Variants in PLPPR1 observed in about 807,000 individuals in gnomAD.
PLPPR1 encodes the protein phospholipid phosphatase-related protein type 1.
A neutral mutation model predicts 33.1 loss-of-function variants in PLPPR1; 10 were observed. The observed-to-expected ratio is 0.30, with a 90% CI of 0.19 to 0.51. The LOEUF is 0.51. Ranked by LOEUF, PLPPR1 falls within the 20% of genes least tolerant of loss-of-function variation. The pLI, the probability that PLPPR1 is intolerant of heterozygous loss-of-function variation, is 0.97. For missense variants in PLPPR1, 304 were observed against 408.1 expected, an observed-to-expected ratio of 0.74 and a Z score of 2.20; for synonymous variants, 151 against 151.0, an observed-to-expected ratio of 1.00 and a Z score of 0.00.
intron 2 of PLPPR1, among the ~76,000 whole-genome samples, chr9:101,266,130 G>C (rs139548485): frequency 6.7e-6 from 1 of 149,886 alleles, no homozygotes; most frequent in East Asian, 2.1e-4. Flanking sequence ...AGGATTGCTT[G>C]AAAATGACAG....
intron 2 of PLPPR1, among the ~76,000 whole-genome samples, chr9:101,243,778 T>C (rs1827529234): frequency 6.6e-6 from 1 of 151,880 alleles, no homozygotes; most frequent in South Asian, 2.1e-4. Context: ...TAGGTGGTAG[T>C]GGAAGCCACT....
At chr9:101,092,259 A>G (rs1175721764) in intron 1 of PLPPR1, among the ~76,000 whole-genome samples, 1 of 152,106 alleles carries the variant, frequency 6.6e-6, no homozygotes, top group Non-Finnish European at 1.5e-5. Context: ...CCAAATTGTT[A>G]TATGTCCCTA....
intron 1 of PLPPR1, among the ~76,000 whole-genome samples, chr9:101,064,149 T>G (rs1373332318): frequency 6.6e-6 from 1 of 152,096 alleles, no homozygotes; most frequent in Non-Finnish European, 1.5e-5. Flanking sequence ...TACTGACACT[T>G]TATATTAATC....
At chr9:101,260,955 TCTA>T (rs1014337620) in intron 2 of PLPPR1, among the ~76,000 whole-genome samples, 10 of 152,260 alleles carry the variant, frequency 6.6e-5, no homozygotes, top group African/African-American at 2.4e-4. Context: ...TCAGTCAACC[TCTA>T]CTATCACCCC....
intron 1 of PLPPR1, among the ~76,000 whole-genome samples, chr9:101,136,907 A>G (rs1455582495): frequency 6.6e-6 from 1 of 152,214 alleles, no homozygotes; most frequent in Non-Finnish European, 1.5e-5. Flanking sequence ...ATTTGTTAGT[A>G]CAACAGAGTG....
chr9:101,150,710 C>G (rs1373094000), intron 1 of PLPPR1, among the ~76,000 whole-genome samples: 1 of 152,188 alleles, frequency 6.6e-6, no homozygotes, highest in Non-Finnish European at 1.5e-5. Context: ...CTGACTGTCT[C>G]TATCAACTAG....
chr9:101,301,650 G>A (rs956115875), intron 4 of PLPPR1, among the ~76,000 whole-genome samples: 6 of 152,110 alleles, frequency 3.9e-5, no homozygotes, highest in African/African-American at 1.4e-4. Context: ...TACTATCCAA[G>A]GAACTGATGT....
rs544966867 is a variant in PLPPR1, at chr9:101,042,955, G to C, written c.-46+13853G>C. On this transcript the variant is annotated intron_variant, in intron 1 of 7. Transcript: ENST00000374874. ...TTCCATAGGTTTTTGGGGAACAGGTGGTATTTGGTTACATGAATAAGTTCT... is the reference window on the plus strand; with the variant it reads ...TTCCATAGGTTTTTGGGGAACAGGTCGTATTTGGTTACATGAATAAGTTCT... Among the ~76,000 whole-genome samples the C allele has an allele frequency of 1.9e-4, 29 of 152,166 alleles. 1 individual carries two copies. The South Asian group carries it at 5.6e-3, about 29-fold the overall frequency.
At chr9:101,162,103 G>A (rs1255847209) in intron 1 of PLPPR1, among the ~76,000 whole-genome samples, 1 of 78,318 alleles carries the variant, frequency 1.3e-5, no homozygotes, top group African/African-American at 4.2e-5. Flanking sequence ...ATCCACAATT[G>A]TTAAAAAAAA....
At chr9:101,101,054 G>T (rs1830892166) in intron 1 of PLPPR1, among the ~76,000 whole-genome samples, 1 of 152,126 alleles carries the variant, frequency 6.6e-6, no homozygotes, top group Admixed American at 6.5e-5. Flanking sequence ...TTAGTGTCTT[G>T]TTGAGCTTAC....
chr9:101,148,759 A>G (rs1831550086), intron 1 of PLPPR1, among the ~76,000 whole-genome samples: 1 of 152,086 alleles, frequency 6.6e-6, no homozygotes, highest in Non-Finnish European at 1.5e-5. Context: ...ACCCAGTCCC[A>G]CAGAGACTCA....
chr9:101,179,069 G>C (rs1449485776), intron 1 of PLPPR1, among the ~76,000 whole-genome samples: 1 of 152,106 alleles, frequency 6.6e-6, no homozygotes, highest in Non-Finnish European at 1.5e-5. Context: ...GTATTGGCTG[G>C]GATAATAGAC....
At chr9:101,264,672 T>G (rs1827955556) in intron 2 of PLPPR1, among the ~76,000 whole-genome samples, 1 of 152,316 alleles carries the variant, frequency 6.6e-6, no homozygotes, top group African/African-American at 2.4e-5. Flanking sequence ...GCTGATTGAC[T>G]AGCTTTGATA....
intron 2 of PLPPR1, among the ~76,000 whole-genome samples, chr9:101,226,781 G>C (rs1827079199): frequency 6.6e-6 from 1 of 151,936 alleles, no homozygotes; most frequent in Non-Finnish European, 1.5e-5. Flanking sequence ...TTTTTAAGTT[G>C]TTATACTGGT....
At chr9:101,083,240 C>T (rs1830641591) in intron 1 of PLPPR1, among the ~76,000 whole-genome samples, 1 of 151,804 alleles carries the variant, frequency 6.6e-6, no homozygotes, top group South Asian at 2.1e-4. Context: ...CTCAAGGCAA[C>T]CTCCGGCTCT....
chr9:101,179,105 T>C (rs879782364), intron 1 of PLPPR1, among the ~76,000 whole-genome samples: 11 of 152,186 alleles, frequency 7.2e-5, no homozygotes, highest in Admixed American at 1.3e-4. Flanking sequence ...GAAATCAGTC[T>C]ACTACTCTAC....
chr9:101,243,357 G>A (rs1827518384), intron 2 of PLPPR1, among the ~76,000 whole-genome samples: 1 of 152,018 alleles, frequency 6.6e-6, no homozygotes, highest in African/African-American at 2.4e-5. Flanking sequence ...CCAAAGTTGG[G>A]AATCTAGCTA....
At chr9:101,295,460 T>A (rs1453650447) in intron 4 of PLPPR1, among the ~76,000 whole-genome samples, 1 of 152,140 alleles carries the variant, frequency 6.6e-6, no homozygotes, top group East Asian at 1.9e-4. Flanking sequence ...ACTTTAAAGT[T>A]CATATGGAAC....
At chr9:101,257,487 A>C (rs1827822975) in intron 2 of PLPPR1, among the ~76,000 whole-genome samples, 1 of 152,098 alleles carries the variant, frequency 6.6e-6, no homozygotes, top group Non-Finnish European at 1.5e-5. Flanking sequence ...CTTGGTTTAG[A>C]GGGATTGGGA....
Sources: gnomAD v4.1 joint callset for allele counts (sites outside exome capture counted in the v4.1 genomes callset) on GRCh38, gnomAD v4.1.1 for gene constraint, MANE v1.5 for transcripts, NCBI Gene and HGNC (gene_info 2026-07-23, HGNC 2026-07-21) for gene names.